Variants in SCAI observed in about 807,000 individuals in gnomAD.
SCAI encodes protein SCAI.
Under a neutral mutation model 92.2 loss-of-function variants are expected in SCAI, and 24 were observed. That is an observed-to-expected ratio of 0.26 (90% CI 0.19 to 0.37). The LOEUF (loss-of-function observed/expected upper bound fraction) is 0.37. SCAI is among the 10% of genes least tolerant of loss of function. The probability of loss-of-function intolerance (pLI) is 1.00; values close to 1 mark genes in which losing one functional copy is unlikely to be tolerated. For synonymous variants in SCAI, 261 were observed against 258.6 expected (o/e 1.01, Z -0.09); for missense variants, 450 against 736.2 (o/e 0.61, Z 4.50).
intron 9 of SCAI, among the ~76,000 whole-genome samples, chr9:125,018,386 G>A (rs1028880149): frequency 2.6e-5 from 4 of 152,134 alleles, no homozygotes; most frequent in African/African-American, 9.7e-5. Flanking sequence ...GTGAGCCACT[G>A]TGCCAGGTCA....
intron 2 of SCAI, among the ~76,000 whole-genome samples, chr9:125,093,563 C>A (rs1834486018): frequency 6.6e-6 from 1 of 150,392 alleles, no homozygotes; most frequent in African/African-American, 2.5e-5. Context: ...ACTGATGACA[C>A]CTCCTTTTTT....
Position 124,952,580 on chromosome 9 carries a change from T to C in SCAI, c.*227A>G, listed in dbSNP as rs536195593. 8.7e-5 allele frequency: 35 copies of C among 404,270 alleles called. 2 individuals are homozygous for C. The South Asian group carries it at 1.5e-3, about 17-fold the overall frequency. The allele number at this position is 404,270 out of a possible 1,614,324, so 25.0% of individuals were successfully genotyped here. The stretch of plus-strand genomic sequence containing the variant: ...GGAGGTAAATATCCATCCCTCAAAA[T>C]CAAAAAATAAAAATTCCAAGGTTAA... On this transcript the variant is annotated 3_prime_UTR_variant, in exon 18 of 18. Coordinates refer to ENST00000336505, the MANE Select transcript of SCAI (RefSeq NM_001144877.3).
chr9:124,954,422 A>G (rs1449000030), intron 17 of SCAI, among the ~76,000 whole-genome samples: 2 of 152,248 alleles, frequency 1.3e-5, no homozygotes, highest in African/African-American at 4.8e-5. Flanking sequence ...TTAAAAGGTA[A>G]GTACTTCTAT....
chr9:125,016,567 G>C (rs977854774), intron 9 of SCAI, among the ~76,000 whole-genome samples: 6 of 151,990 alleles, frequency 3.9e-5, no homozygotes, highest in African/African-American at 1.4e-4. Flanking sequence ...TAATAATGAA[G>C]TCAGAAGTAT....
At chr9:124,976,825 T>C (rs1831766671) in intron 14 of SCAI, among the ~76,000 whole-genome samples, 2 of 149,908 alleles carry the variant, frequency 1.3e-5, no homozygotes, top group Admixed American at 6.7e-5. Flanking sequence ...AACAAAAACA[T>C]TTTTTAAAAT....
intron 3 of SCAI, among the ~76,000 whole-genome samples, chr9:125,048,558 GAGA>G (rs1198611198): frequency 2.6e-5 from 4 of 151,622 alleles, no homozygotes; most frequent in African/African-American, 4.8e-5. Flanking sequence ...AAGAAGAAAA[GAGA>G]AGAAGAAGAA....
chr9:125,094,732 G>A (rs1418479593), intron 2 of SCAI, among the ~76,000 whole-genome samples: 2 of 152,054 alleles, frequency 1.3e-5, no homozygotes, highest in African/African-American at 4.8e-5. Flanking sequence ...GAACTTCTGA[G>A]GTCAGTTGAT....
chr9:125,065,940 C>A lies in SCAI; in HGVS notation c.99-9933G>T, dbSNP rs184181057. The A allele has an allele frequency of 4.3e-4, 313 of 736,154 alleles. 1 individual carries two copies. In the African/African-American group the frequency reaches 4.9e-3, roughly 12 times the overall value. The allele number at this position is 736,154 out of a possible 1,614,324, so 45.6% of individuals were successfully genotyped here. The stretch of plus-strand genomic sequence containing the variant: ...CAAACTAGGAACAGAAAGGGAGCTT[C>A]ATTAATTTTATAAAGGATATGTATT... On this transcript the variant is annotated intron_variant, in intron 2 of 17. Transcript: ENST00000336505.
chr9:124,993,562 C>T (rs191624669), intron 14 of SCAI, among the ~76,000 whole-genome samples: 16 of 152,138 alleles, frequency 1.1e-4, no homozygotes, highest in African/African-American at 3.6e-4. Flanking sequence ...TGCACTCCAA[C>T]CTGGGAAACG....
intron 9 of SCAI, among the ~76,000 whole-genome samples, chr9:125,016,659 T>G (rs947746358): frequency 1.3e-5 from 2 of 152,100 alleles, no homozygotes; most frequent in Non-Finnish European, 2.9e-5. Flanking sequence ...AAAGTGACAC[T>G]GCAGTGTGGC....
At chr9:125,044,830 G>A (rs925403690) in intron 3 of SCAI, among the ~76,000 whole-genome samples, 2 of 152,100 alleles carry the variant, frequency 1.3e-5, no homozygotes, top group Admixed American at 1.3e-4. Flanking sequence ...CCAAGCTTCT[G>A]GGCACCACCA....
chr9:125,134,148 T>C (rs1291394722), intron 2 of SCAI, among the ~76,000 whole-genome samples: 2 of 152,198 alleles, frequency 1.3e-5, no homozygotes, highest in East Asian at 3.8e-4. Context: ...TAGGCTGTCA[T>C]CTCTTGTCAT....
chr9:124,958,173 G>A (rs1831359439), intron 17 of SCAI, among the ~76,000 whole-genome samples: 1 of 152,094 alleles, frequency 6.6e-6, no homozygotes, highest in African/African-American at 2.4e-5. Flanking sequence ...TTCCCCACAG[G>A]TGAATTATAT....
At chr9:125,034,863 T>A (rs1833159573) in intron 3 of SCAI, among the ~76,000 whole-genome samples, 1 of 152,210 alleles carries the variant, frequency 6.6e-6, no homozygotes, top group African/African-American at 2.4e-5. Context: ...GAAAGATCAT[T>A]TCTCAACTCC....
chr9:125,100,196 C>T (rs574976445), intron 2 of SCAI, among the ~76,000 whole-genome samples: 1 of 152,132 alleles, frequency 6.6e-6, no homozygotes, highest in African/African-American at 2.4e-5. Flanking sequence ...GTGGTGATTG[C>T]CAACATTTAG....
chr9:124,960,895 T>C (rs1371550443), intron 17 of SCAI, among the ~76,000 whole-genome samples: 7 of 152,110 alleles, frequency 4.6e-5, no homozygotes, highest in African/African-American at 1.4e-4. Context: ...GGTGGGAGGA[T>C]TGCTTGAGGC....
intron 2 of SCAI, among the ~76,000 whole-genome samples, chr9:125,065,127 A>C (rs1180127726): frequency 1.3e-5 from 2 of 152,218 alleles, no homozygotes; most frequent in Admixed American, 1.3e-4. Context: ...GATGAAATTA[A>C]TTAAATAAGA....
intron 2 of SCAI, among the ~76,000 whole-genome samples, chr9:125,135,294 T>C (rs1004875818): frequency 2.9e-4 from 44 of 152,352 alleles, no homozygotes; most frequent in African/African-American, 1.0e-3. Flanking sequence ...TCTCAAAAGA[T>C]AACTCAGCCA....
chr9:125,044,834 A>C (rs557524418), intron 3 of SCAI, among the ~76,000 whole-genome samples: 1 of 152,130 alleles, frequency 6.6e-6, no homozygotes, highest in Non-Finnish European at 1.5e-5. Flanking sequence ...GCTTCTGGGC[A>C]CCACCACCAT....
Sources: allele counts gnomAD v4.1 joint callset (sites outside exome capture counted in the v4.1 genomes callset), GRCh38; gene constraint gnomAD v4.1.1; transcripts MANE v1.5; gene names NCBI Gene and HGNC (gene_info 2026-07-23, HGNC 2026-07-21).